The following RNF187 variants were observed in gnomAD, a reference collection of about 807,000 sequenced individuals.
RNF187 encodes ring finger protein 187.
A neutral mutation model predicts 22.2 loss-of-function variants in RNF187; 18 were observed. The ratio of observed to expected loss-of-function variants is 0.81; its 90% CI spans 0.56 to 1.20. The LOEUF (loss-of-function observed/expected upper bound fraction) is 1.20. RNF187 is among the 50% of genes most tolerant of loss of function. The probability of loss-of-function intolerance (pLI) is 0.00; values close to 1 mark genes in which losing one functional copy is unlikely to be tolerated. For missense variants in RNF187, 329 were observed against 317.6 expected, an observed-to-expected ratio of 1.04 and a Z score of -0.27; for synonymous variants, 164 against 140.9, an observed-to-expected ratio of 1.16 and a Z score of -1.16.
Position 228,493,811 on chromosome 1 carries a change from G to A in RNF187, c.706-72G>A. 1.1e-5 allele frequency: 16 copies of A among 1,485,948 alleles called. No individual in the cohort carries two copies. Among genetic ancestry groups the A allele is most frequent in the African/African-American group, 1.4e-5 (1 of 71,778 alleles). 92.0% of individuals were successfully genotyped at this position (1,485,948 alleles called of 1,614,324 possible). A position where few individuals can be genotyped will look rare whatever the true frequency, so the allele number is the denominator to read the frequency against. ...GCTCTCTCTTTCGCTCTCTCCTTTT[G>A]CCTCTGTCTCTGACTCTGTGTGTCT... On this transcript the variant is annotated intron_variant, in intron 3 of 3. Transcript: ENST00000305943. The surrounding 1 kb of genome is among the most constrained non-coding windows in gnomAD (Gnocchi z 4.7).
chr1:228,491,404 A>T, intron 2 of RNF187, among the ~76,000 whole-genome samples: 12 of 144,126 alleles, frequency 8.3e-5, no homozygotes, highest in South Asian at 4.3e-4. Flanking sequence ...AAAAAAAAAA[A>T]AAAAATAAAG....
In RNF187 at chr1:228,487,478, C is replaced by A; in HGVS notation, c.-11C>A. 9.0e-7 allele frequency: 1 copy of A among 1,114,806 alleles called. No individual in the cohort carries two copies. The highest frequency in any genetic ancestry group is 1.1e-6 in the Non-Finnish European group (1 of 915,362). 69.1% of individuals were successfully genotyped at this position (1,114,806 alleles called of 1,614,324 possible). A position where few individuals can be genotyped will look rare whatever the true frequency, so the allele number is the denominator to read the frequency against. ...GCTCCTGCGCCCTTGCCGGCCCCGCCGCCCGCAGCCCTGGCGCTCCCTGCG... is the reference window on the plus strand; with the variant it reads ...GCTCCTGCGCCCTTGCCGGCCCCGCAGCCCGCAGCCCTGGCGCTCCCTGCG... On this transcript the variant is annotated 5_prime_UTR_variant, in exon 1 of 4. Coordinates refer to ENST00000305943, the MANE Select transcript of RNF187 (RefSeq NM_001010858.3).
In RNF187 at chr1:228,496,078, T is replaced by C; in HGVS notation, c.*2193T>C. Among the ~76,000 whole-genome samples, 1 of 152,236 alleles carries C rather than the reference T, an allele frequency of 6.6e-6. No homozygotes were observed. The highest frequency in any genetic ancestry group is 2.1e-4 in the South Asian group (1 of 4,830). ...AATAGACCTTGAGTTTATTCTTGTA[T>C]AGCAGGGACTCTGTACCCTCTGACT... is the stretch of plus-strand genomic sequence containing the variant. On this transcript the variant is annotated 3_prime_UTR_variant, in exon 4 of 4. Transcript: ENST00000305943.
chr1:228,489,194 A>C, intron 2 of RNF187, 142 bp downstream of exon 2: 1 of 611,210 alleles, frequency 1.6e-6, no homozygotes, highest in East Asian at 2.8e-5. Context: ...GACTTAAGTG[A>C]GCTTCAGGGT....
Position 228,487,848 on chromosome 1 carries a change from A to C in RNF187, c.360A>C (p.Glu120Asp). ...CGGGCCCCGAGCCGCCCGAGTGGGA[A>C]CCGCGCTGGAGGAAGGCGCTGCGCG... is the stretch of plus-strand genomic sequence containing the variant. The change falls in exon 1 of 4, where the codon GAA becomes GAC. Residue 120 changes from glutamate (E) to aspartate (D), a missense_variant. Transcript: ENST00000305943. 13 of 1,220,664 alleles carry C rather than the reference A, an allele frequency of 1.1e-5. No homozygotes were observed. The highest frequency in any genetic ancestry group is 3.8e-5 in the East Asian group (1 of 26,364). The allele number at this position is 1,220,664 out of a possible 1,614,324, so 75.6% of individuals were successfully genotyped here.
intron 1 of RNF187, 63 bp from the exon 2 acceptor site, chr1:228,488,897 A>G: frequency 1.5e-6 from 2 of 1,316,976 alleles, no homozygotes; most frequent in East Asian, 2.5e-5. Context: ...GTCCCTCAGT[A>G]CTGGGCTGGG....
chr1:228,487,731 G>T lies in RNF187; in HGVS notation c.243G>T (p.Ala81=). The T allele has an allele frequency of 2.9e-6, 3 of 1,029,584 alleles. No homozygotes were observed. Among genetic ancestry groups the T allele is most frequent in the Non-Finnish European group, 1.2e-6 (1 of 860,926 alleles). The allele number at this position is 1,029,584 out of a possible 1,614,324, so 63.8% of individuals were successfully genotyped here. Reference sequence around the variant, plus strand: ...TGGCGCTCGAGGAGGCGGCCGCGGCGCCCGCGCGCGACGGCCCGGCCAGCG... The same window carrying T: ...TGGCGCTCGAGGAGGCGGCCGCGGCTCCCGCGCGCGACGGCCCGGCCAGCG... The change falls in exon 1 of 4, where the codon GCG becomes GCT. Residue 81 remains alanine, a synonymous_variant. Coordinates refer to ENST00000305943, the MANE Select transcript of RNF187 (RefSeq NM_001010858.3).
intron 2 of RNF187, among the ~76,000 whole-genome samples, chr1:228,490,082 C>T: frequency 1.3e-5 from 2 of 152,330 alleles, no homozygotes; most frequent in Middle Eastern, 3.4e-3. Flanking sequence ...ATTTTCTCTG[C>T]GTTTCATAAA....
chr1:228,489,872 A>G lies in RNF187; in HGVS notation c.483+820A>G. On this transcript the variant is annotated intron_variant, in intron 2 of 3. Transcript: ENST00000305943. ...GCCTCCTAACGCCATCACCTGAGGG[A>G]TGAGGATTTCAGCATGGGGATTTGG... 1.5e-4 allele frequency among the ~76,000 whole-genome samples: 23 copies of G among 152,278 alleles called. No homozygotes were observed. In the East Asian group the frequency reaches 4.2e-3, roughly 28 times the overall value.
chr1:228,493,864 C>T lies in RNF187; in HGVS notation c.706-19C>T. On this transcript the variant is annotated intron_variant, in intron 3 of 3. Coordinates refer to ENST00000305943, the MANE Select transcript of RNF187 (RefSeq NM_001010858.3). The surrounding 1 kb of genome is among the most constrained non-coding windows in gnomAD (Gnocchi z 4.7). Reference sequence around the variant, plus strand: ...TTCTCTTTTTGTCTCTCTGTCTTTCCCTCTCCCCTCCCATGCAGTGATGGC... The same window carrying T: ...TTCTCTTTTTGTCTCTCTGTCTTTCTCTCTCCCCTCCCATGCAGTGATGGC... 1 of 1,551,440 alleles carries T rather than the reference C, an allele frequency of 6.4e-7. No individual in the cohort carries two copies. The highest frequency in any genetic ancestry group is 1.2e-5 in the South Asian group (1 of 84,062).
At chr1:228,492,623 T>TTC in intron 2 of RNF187, among the ~76,000 whole-genome samples, 6 of 132,954 alleles carry the variant, frequency 4.5e-5, no homozygotes, top group Admixed American at 4.3e-4. Flanking sequence ...CCTGGCTTTT[T>TTC]TTTTTTTTTT....
Position 228,493,325 on chromosome 1 carries a change from G to T in RNF187, c.705+51G>T. On this transcript the variant is annotated intron_variant, in intron 3 of 3. Transcript: ENST00000305943. This position sits in a 1 kb window ranked among gnomAD's most constrained non-coding sequence, Gnocchi z 4.7. ...CACCATCGGGCCAGGGTGGACGCAG[G>T]CAGCAGCGAGCCATTGGGGGACCAT... 2 of 1,511,812 alleles carry T rather than the reference G, an allele frequency of 1.3e-6. No individual in the cohort carries two copies. Among genetic ancestry groups the T allele is most frequent in the Non-Finnish European group, 1.8e-6 (2 of 1,124,578 alleles). 93.6% of individuals were successfully genotyped at this position (1,511,812 alleles called of 1,614,324 possible).
chr1:228,487,388 G>C lies in RNF187; in HGVS notation c.-101G>C, dbSNP rs1239504332. The C allele has an allele frequency of 9.9e-7, 1 of 1,010,372 alleles. No homozygotes were observed. Among genetic ancestry groups the C allele is most frequent in the East Asian group, 8.2e-5 (1 of 12,206 alleles). 62.6% of individuals were successfully genotyped at this position (1,010,372 alleles called of 1,614,324 possible). ...CCCCGTGCGCGTCCCCGGCGTTGGC[G>C]TCTTCGTCCTGTTGCTGGTCTCCGT... On this transcript the variant is annotated 5_prime_UTR_variant, in exon 1 of 4. Coordinates refer to ENST00000305943, the MANE Select transcript of RNF187 (RefSeq NM_001010858.3).
In RNF187 at chr1:228,494,188, C is replaced by T; in HGVS notation, c.*303C>T. 4.5e-5 allele frequency: 61 copies of T among 1,362,982 alleles called. No individual in the cohort carries two copies. Among genetic ancestry groups the T allele is most frequent in the Non-Finnish European group, 5.7e-5 (60 of 1,056,308 alleles). The allele number at this position is 1,362,982 out of a possible 1,614,324, so 84.4% of individuals were successfully genotyped here. A position where few individuals can be genotyped will look rare whatever the true frequency, so the allele number is the denominator to read the frequency against. On this transcript the variant is annotated 3_prime_UTR_variant, in exon 4 of 4. Coordinates refer to ENST00000305943, the MANE Select transcript of RNF187 (RefSeq NM_001010858.3). ...CCGGCAGCTCTGGGTCATGCCCTTC[C>T]CTGGTCACCCATCTGCCCCTCACCT...
Position 228,496,014 on chromosome 1 carries a change from T to G in RNF187, c.*2129T>G. Among the ~76,000 whole-genome samples the G allele has an allele frequency of 6.6e-6, 1 of 152,218 alleles. No homozygotes were observed. Among genetic ancestry groups the G allele is most frequent in the Non-Finnish European group, 1.5e-5 (1 of 68,036 alleles). On this transcript the variant is annotated 3_prime_UTR_variant, in exon 4 of 4. Transcript: ENST00000305943. ...AGTCAGATACAGAGGGCCAACTGCGTACAGTACACGGTTATCAGCTGAAGT... is the reference window on the plus strand; with the variant it reads ...AGTCAGATACAGAGGGCCAACTGCGGACAGTACACGGTTATCAGCTGAAGT...
intron 1 of RNF187, among the ~76,000 whole-genome samples, 174 bp from the exon 2 acceptor site, chr1:228,488,786 C>T: frequency 6.6e-6 from 1 of 152,218 alleles, no homozygotes; most frequent in Non-Finnish European, 1.5e-5. Context: ...AGGTGTGAAG[C>T]CCAAGAAACC....
At position 228,495,408 on chromosome 1, in the gene RNF187, G is replaced by A; in HGVS notation, c.*1523G>A. On this transcript the variant is annotated 3_prime_UTR_variant, in exon 4 of 4. Coordinates refer to ENST00000305943, the MANE Select transcript of RNF187 (RefSeq NM_001010858.3). ...GCTAAAACTGGATTTCATAAGAAAG[G>A]GCAAAGAGGGCCCTAGGAGAAGATT... The A allele has an allele frequency of 2.2e-6, 2 of 916,392 alleles. No homozygotes were observed. The highest frequency in any genetic ancestry group is 6.2e-5 in the Admixed American group (1 of 16,196). 56.8% of individuals were successfully genotyped at this position (916,392 alleles called of 1,614,324 possible).
Position 228,491,701 on chromosome 1 carries a change from A to G in RNF187, c.484-1352A>G. Reference sequence around the variant, plus strand: ...GTGATCCAACCACCTCGGCCTCCCAAAGTGCTGGGATTACAGGTGTGAGCC... The same window carrying G: ...GTGATCCAACCACCTCGGCCTCCCAGAGTGCTGGGATTACAGGTGTGAGCC... On this transcript the variant is annotated intron_variant, in intron 2 of 3. Transcript: ENST00000305943. 7.8e-4 allele frequency among the ~76,000 whole-genome samples: 118 copies of G among 152,188 alleles called. 1 individual carries two copies. Among genetic ancestry groups the G allele is most frequent in the East Asian group, 5.2e-3 (27 of 5,168 alleles).
intron 2 of RNF187, among the ~76,000 whole-genome samples, chr1:228,491,387 CAAA>C: frequency 6.6e-5 from 5 of 75,554 alleles, no homozygotes; most frequent in African/African-American, 2.1e-4. Flanking sequence ...GGCCCTATCT[CAAA>C]AAAAAAAAAA....
Sources: allele counts gnomAD v4.1 joint callset (sites outside exome capture counted in the v4.1 genomes callset), GRCh38; gene constraint gnomAD v4.1.1; non-coding constraint Gnocchi (gnomAD v3.1); transcripts MANE v1.5; gene names NCBI Gene and HGNC (gene_info 2026-07-23, HGNC 2026-07-21).